The following LRP1B variants were observed in gnomAD, a reference collection of about 807,000 sequenced individuals.
LRP1B encodes the protein low-density lipoprotein receptor-related protein 1B.
A neutral mutation model predicts 556.6 loss-of-function variants in LRP1B; 217 were observed. That is an observed-to-expected ratio of 0.39 (90% CI 0.35 to 0.44). LRP1B has a LOEUF of 0.44. Ranked by LOEUF, LRP1B falls within the 20% of genes least tolerant of loss-of-function variation. The pLI, the probability that LRP1B is intolerant of heterozygous loss-of-function variation, is 1.00. For missense variants in LRP1B, 5,053 were observed against 5,620.8 expected (o/e 0.90, Z 3.23); for synonymous variants, 2,047 against 1,865.8 (o/e 1.10, Z -2.50).
intron 2 of LRP1B, among the ~76,000 whole-genome samples, chr2:141,556,001 C>T (rs944640667): frequency 2.0e-5 from 3 of 151,576 alleles, no homozygotes; most frequent in Middle Eastern, 3.4e-3. Flanking sequence ...TGTTTATGGC[C>T]GCTACACACA....
chr2:141,567,681 T>A (rs1216704216), intron 2 of LRP1B, among the ~76,000 whole-genome samples: 2 of 151,808 alleles, frequency 1.3e-5, no homozygotes, highest in Non-Finnish European at 2.9e-5. Context: ...TGCTCTGAAA[T>A]TACATTAGGT....
chr2:141,233,897 G>T (rs2105303702), intron 5 of LRP1B, among the ~76,000 whole-genome samples: 1 of 151,758 alleles, frequency 6.6e-6, no homozygotes, highest in African/African-American at 2.4e-5. Flanking sequence ...TCATCTAGTT[G>T]TTCTATATTC....
chr2:141,303,802 T>C (rs904600169), intron 3 of LRP1B, among the ~76,000 whole-genome samples: 16 of 152,200 alleles, frequency 1.1e-4, no homozygotes, highest in Admixed American at 5.9e-4. Flanking sequence ...CTGAATTGTA[T>C]GGTAGTTCTA....
At chr2:140,472,118 T>A (rs1006331825) in intron 60 of LRP1B, among the ~76,000 whole-genome samples, 1 of 152,322 alleles carries the variant, frequency 6.6e-6, no homozygotes, top group East Asian at 1.9e-4. Flanking sequence ...ATATTTGTTT[T>A]GCCATTTGAG....
intron 7 of LRP1B, among the ~76,000 whole-genome samples, chr2:141,067,224 T>C (rs980742422): frequency 5.3e-5 from 8 of 152,028 alleles, no homozygotes; most frequent in African/African-American, 1.7e-4. Flanking sequence ...ATATTTAGCA[T>C]TGTAATTCTA....
intron 79 of LRP1B, among the ~76,000 whole-genome samples, chr2:140,327,369 G>C (rs1558804461): frequency 6.6e-6 from 1 of 152,072 alleles, no homozygotes; most frequent in African/African-American, 2.4e-5. Flanking sequence ...AATGTATAGA[G>C]ATGTATCATG....
chr2:140,634,048 C>T (rs1369549433), intron 41 of LRP1B, among the ~76,000 whole-genome samples: 5 of 151,998 alleles, frequency 3.3e-5, no homozygotes, highest in African/African-American at 1.2e-4. Context: ...TAAAAATTGT[C>T]AATAAAATAT....
At position 141,244,936 on chromosome 2, in the gene LRP1B, T is replaced by A. The variant is rs1274009757; in HGVS notation, c.592+2290A>T. Reference sequence around the variant, plus strand: ...GTGAAGAGATTTATGTATTCCATTATCAATTCTAGAGTCATCAAACTTCCT... The same window carrying A: ...GTGAAGAGATTTATGTATTCCATTAACAATTCTAGAGTCATCAAACTTCCT... On this transcript the variant is annotated intron_variant, in intron 5 of 90. Transcript: ENST00000389484. 2.6e-5 allele frequency among the ~76,000 whole-genome samples: 4 copies of A among 152,268 alleles called. No individual in the cohort carries two copies. The East Asian group carries it at 7.8e-4, about 30-fold the overall frequency.
intron 3 of LRP1B, among the ~76,000 whole-genome samples, chr2:141,398,942 A>G (rs2104920683): frequency 6.6e-6 from 1 of 152,266 alleles, no homozygotes; most frequent in East Asian, 1.9e-4. Context: ...TGTGCCCTAT[A>G]GTTCACCTTT....
rs745391761 is a variant in LRP1B at position 140,851,747 on chromosome 2, G to T, written c.4616C>A (p.Pro1539His). The T allele has an allele frequency of 1.2e-6, 2 of 1,606,790 alleles. No homozygotes were observed. Among genetic ancestry groups the T allele is most frequent in the East Asian group, 2.2e-5 (1 of 44,628 alleles). The part of the protein sequence containing the change: ...NPCAANDGKG[P>H]CSHMCLINHN... ...ATTGATTAGACACATGTGAGAGCAG[G>T]GGCCTTTGCCATCATTAGCTGCACA... is the stretch of plus-strand genomic sequence containing the variant. Residue 1539 changes from proline to histidine, a missense_variant, in exon 28 of 91, where the codon CCC becomes CAC. Coordinates refer to ENST00000389484, the MANE Select transcript of LRP1B (RefSeq NM_018557.3).
intron 41 of LRP1B, among the ~76,000 whole-genome samples, chr2:140,637,573 AT>A (rs150615535): frequency 2.5e-4 from 37 of 150,540 alleles, no homozygotes; most frequent in African/African-American, 5.1e-4. Flanking sequence ...TTAGAGTTCA[AT>A]TTTTTTTTTC....
At chr2:140,858,244 G>C (rs957044855) in intron 27 of LRP1B, among the ~76,000 whole-genome samples, 1 of 151,968 alleles carries the variant, frequency 6.6e-6, no homozygotes, top group African/African-American at 2.4e-5. Context: ...GTAATGTGCA[G>C]ACACTGAGAA....
intron 2 of LRP1B, among the ~76,000 whole-genome samples, chr2:141,578,090 G>C (rs1388347872): frequency 6.6e-6 from 1 of 152,024 alleles, no homozygotes; most frequent in Non-Finnish European, 1.5e-5. Flanking sequence ...TACTTAAAAA[G>C]TGTTTAGCCA....
intron 1 of LRP1B, among the ~76,000 whole-genome samples, chr2:141,942,037 G>T (rs1170247922): frequency 6.6e-6 from 1 of 152,144 alleles, no homozygotes; most frequent in Non-Finnish European, 1.5e-5. Flanking sequence ...CACCCGGACT[G>T]GGTGCCTAGC....
Position 142,015,864 on chromosome 2 carries a change from C to T in LRP1B, c.82+114784G>A, listed in dbSNP as rs1399386451. On this transcript the variant is annotated intron_variant, in intron 1 of 90. Transcript: ENST00000389484. ...AAAATTAGCCGGGCGTGGTGGCGGG[C>T]GCCTGTAGTCCCAGCTACTCGGGAG... Among the ~76,000 whole-genome samples, 8 of 151,608 alleles carry T rather than the reference C, an allele frequency of 5.3e-5. No individual in the cohort carries two copies. In the East Asian group the frequency reaches 7.8e-4, roughly 15 times the overall value.
chr2:140,565,320 T>C lies in LRP1B; in HGVS notation c.7195-23349A>G, dbSNP rs943273196. Among the ~76,000 whole-genome samples, 9 of 149,998 alleles carry C rather than the reference T, an allele frequency of 6.0e-5. 1 individual carries two copies. Among genetic ancestry groups the C allele is most frequent in the South Asian group, 2.1e-4 (1 of 4,662 alleles). On this transcript the variant is annotated intron_variant, in intron 43 of 90. Coordinates refer to ENST00000389484, the MANE Select transcript of LRP1B (RefSeq NM_018557.3). ...ATTGTAATTTTTTGAAGATATATTATTGGCCACAGCATATTTTAACCCATG... is the reference window on the plus strand; with the variant it reads ...ATTGTAATTTTTTGAAGATATATTACTGGCCACAGCATATTTTAACCCATG...
In LRP1B at chr2:140,487,666, G is replaced by T. The variant is rs1395055459; in HGVS notation, c.9194C>A (p.Pro3065His). ...CATTCTATTTATGCGACTGCCATTG[G>T]GTCGGCTAGAATCGATCCAATAGAT... ...EFIYWIDSSR[P>H]NGSRINRMCL... The change falls in exon 58 of 91, where the codon CCC becomes CAC. Residue 3065 changes from proline (P) to histidine (H), a missense_variant. This residue lies in a region of LRP1B where 3,619 missense variants were observed against 3,931.9 expected (regional missense o/e 0.92). Coordinates refer to ENST00000389484, the MANE Select transcript of LRP1B (RefSeq NM_018557.3). 6.2e-7 allele frequency: 1 copy of T among 1,606,780 alleles called. No homozygotes were observed. The highest frequency in any genetic ancestry group is 2.3e-5 in the East Asian group (1 of 44,444).
intron 7 of LRP1B, among the ~76,000 whole-genome samples, chr2:141,087,814 C>A (rs2104901813): frequency 6.6e-6 from 1 of 152,280 alleles, no homozygotes; most frequent in Non-Finnish European, 1.5e-5. Flanking sequence ...ACTGACCATG[C>A]AGAACTTCAG....
intron 43 of LRP1B, among the ~76,000 whole-genome samples, chr2:140,582,810 C>T (rs893925982): frequency 6.6e-6 from 1 of 152,166 alleles, no homozygotes; most frequent in African/African-American, 2.4e-5. Context: ...CATAAACGGA[C>T]TAAGATACTG....
Sources: allele counts gnomAD v4.1 joint callset (sites outside exome capture counted in the v4.1 genomes callset), GRCh38; gene constraint gnomAD v4.1.1; regional missense constraint gnomAD v4.1.1; transcripts MANE v1.5; gene names NCBI Gene and HGNC (gene_info 2026-07-23, HGNC 2026-07-21).